GLRX3: variants seen among roughly 807,000 people sequenced by gnomAD.
The protein encoded by GLRX3 is glutaredoxin-3.
Under a neutral mutation model 49.5 loss-of-function variants are expected in GLRX3, and 22 were observed. That is an observed-to-expected ratio of 0.44 (90% CI 0.32 to 0.63). GLRX3 has a LOEUF of 0.63. GLRX3 is among the 30% of genes least tolerant of loss of function. The pLI is 0.05. For synonymous variants in GLRX3, 133 were observed against 140.0 expected (o/e 0.95, Z 0.35); for missense variants, 385 against 396.3 (o/e 0.97, Z 0.24).
At position 130,144,324 on chromosome 10, in the gene GLRX3, A is replaced by T. The variant is rs1590057519; in HGVS notation, c.93-887A>T. ...TTTTTCGTTTACTTTAAGTTCTGGG[A>T]TACATATGCAGAATGTGCAGGTTTC... On this transcript the variant is annotated intron_variant, in intron 1 of 10. Transcript: ENST00000331244. 2.2e-5 allele frequency among the ~76,000 whole-genome samples: 3 copies of T among 134,048 alleles called. No homozygotes were observed. In the East Asian group the frequency reaches 6.7e-4, roughly 30 times the overall value. The allele number at this position is 134,048 out of a possible 152,430, so 87.9% of individuals were successfully genotyped here.
rs550732378 is a variant in GLRX3, at chr10:130,155,711, A to T, written c.202-4284A>T. ...AGGGGAGAGGCCTGGGCTGGGAAGAAGTTGGGAGTTGTAATAGCAGCGTCA... is the reference window on the plus strand; with the variant it reads ...AGGGGAGAGGCCTGGGCTGGGAAGATGTTGGGAGTTGTAATAGCAGCGTCA... On this transcript the variant is annotated intron_variant, in intron 2 of 10. Transcript: ENST00000331244. Among the ~76,000 whole-genome samples, 72 of 152,200 alleles carry T rather than the reference A, an allele frequency of 4.7e-4. No individual in the cohort carries two copies. The East Asian group carries it at 5.2e-3, about 11-fold the overall frequency.
intron 2 of GLRX3, among the ~76,000 whole-genome samples, chr10:130,154,092 G>T (rs1344756687): frequency 6.6e-6 from 1 of 152,226 alleles, no homozygotes; most frequent in Non-Finnish European, 1.5e-5. Flanking sequence ...ATCTCAGACT[G>T]CTGCGCTGGC....
intron 2 of GLRX3, among the ~76,000 whole-genome samples, chr10:130,154,440 A>G (rs1862437030): frequency 2.0e-5 from 3 of 152,224 alleles, no homozygotes; most frequent in South Asian, 4.1e-4. Context: ...GCTGCAGACT[A>G]GAGCTGTTCC....
At position 130,162,850 on chromosome 10, in the gene GLRX3, T is replaced by C. The variant is rs114392618; in HGVS notation, c.478+1853T>C. On this transcript the variant is annotated intron_variant, in intron 4 of 10. Coordinates refer to ENST00000331244, the MANE Select transcript of GLRX3 (RefSeq NM_006541.5). ...AACTTTGGGGACAAGTCAGGTACCC[T>C]CCTTGTGCCTTTAATTCCTTCTAGT... Among the ~76,000 whole-genome samples the C allele has an allele frequency of 9.4e-3, 1,427 of 152,260 alleles. 20 individuals are homozygous for C. The highest frequency in any genetic ancestry group is 0.033 in the African/African-American group (1,361 of 41,540).
chr10:130,166,859 TC>T, intron 5 of GLRX3, 59 bp from the exon 6 acceptor site: 2 of 1,125,056 alleles, frequency 1.8e-6, no homozygotes, highest in Non-Finnish European at 2.7e-6. Flanking sequence ...TATGGTATGA[TC>T]AAGGAGATTT....
intron 2 of GLRX3, among the ~76,000 whole-genome samples, chr10:130,158,129 G>T (rs1017359183): frequency 3.9e-5 from 6 of 152,132 alleles, no homozygotes; most frequent in Admixed American, 2.0e-4. Flanking sequence ...GCCTTCAGCA[G>T]GAATTGTAAG....
At chr10:130,155,351 C>T (rs2134893064) in intron 2 of GLRX3, among the ~76,000 whole-genome samples, 1 of 152,224 alleles carries the variant, frequency 6.6e-6, no homozygotes, top group Admixed American at 6.5e-5. Flanking sequence ...AGTTCCATTC[C>T]TGTCATAAGT....
In GLRX3 at chr10:130,163,628, A is replaced by G. The variant is rs759175058; in HGVS notation, c.478+2631A>G. Among the ~76,000 whole-genome samples the G allele has an allele frequency of 9.6e-4, 146 of 152,178 alleles. 3 individuals are homozygous for G. The highest frequency in any genetic ancestry group is 4.6e-4 in the Admixed American group (7 of 15,282). On this transcript the variant is annotated intron_variant, in intron 4 of 10. Coordinates refer to ENST00000331244, the MANE Select transcript of GLRX3 (RefSeq NM_006541.5). ...TTTCTGTTTCATGTCTTTCTGTCAC[A>G]TATAGTAAATAGATCATTTAAGAAT...
chr10:130,151,639 G>T (rs1183101197), intron 2 of GLRX3, among the ~76,000 whole-genome samples: 1 of 151,830 alleles, frequency 6.6e-6, no homozygotes, highest in Non-Finnish European at 1.5e-5. Flanking sequence ...TTCTGTCCTT[G>T]TGATTGTTTG....
chr10:130,163,589 C>T (rs1400015346), intron 4 of GLRX3, among the ~76,000 whole-genome samples: 1 of 152,154 alleles, frequency 6.6e-6, no homozygotes, highest in East Asian at 1.9e-4. Context: ...GTGGGTTTTT[C>T]TGTTTCCTGA....
At chr10:130,147,856 A>C (rs570642178) in intron 2 of GLRX3, among the ~76,000 whole-genome samples, 2 of 152,180 alleles carry the variant, frequency 1.3e-5, no homozygotes, top group African/African-American at 2.4e-5. Flanking sequence ...AGCCTGATGC[A>C]CATAGCAAAA....
At chr10:130,168,195 T>A (rs1862731329) in intron 6 of GLRX3, among the ~76,000 whole-genome samples, 1 of 152,326 alleles carries the variant, frequency 6.6e-6, no homozygotes, top group South Asian at 2.1e-4. Flanking sequence ...TTTAAAGGGC[T>A]CCGAGTGAGC....
chr10:130,168,381 A>G (rs10829698), intron 6 of GLRX3, among the ~76,000 whole-genome samples: 31,548 of 152,150 alleles, frequency 0.21, 3,365 homozygotes, highest in Middle Eastern at 0.28. Flanking sequence ...TCGGTTGGCA[A>G]TGTAAGTGAT....
Position 130,171,903 on chromosome 10 carries a change from C to G in GLRX3, c.824+267C>G, listed in dbSNP as rs535211101. ...ATCACTGGAGTCTTGGAAGGTGAGG[C>G]TGTAGTGAGCCGTGATTGCACCACT... On this transcript the variant is annotated intron_variant, in intron 8 of 10. Coordinates refer to ENST00000331244, the MANE Select transcript of GLRX3 (RefSeq NM_006541.5). Among the ~76,000 whole-genome samples, 371 of 152,188 alleles carry G rather than the reference C, an allele frequency of 2.4e-3. 1 individual carries two copies. The highest frequency in any genetic ancestry group is 4.6e-3 in the Non-Finnish European group (315 of 68,004).
intron 7 of GLRX3, 90 bp from the exon 8 acceptor site, chr10:130,171,494 G>A (rs139377635): frequency 2.5e-6 from 2 of 790,880 alleles, no homozygotes; most frequent in Non-Finnish European, 4.5e-6. Flanking sequence ...TGCTGGACAA[G>A]TGCTGTGCTG....
At chr10:130,137,138 A>G (rs963921843) in intron 1 of GLRX3, among the ~76,000 whole-genome samples, 1 of 152,232 alleles carries the variant, frequency 6.6e-6, no homozygotes, top group African/African-American at 2.4e-5. Context: ...CAGTCTTCAG[A>G]CTTAACCTGT....
At chr10:130,170,883 C>G (rs1862792895) in intron 7 of GLRX3, among the ~76,000 whole-genome samples, 2 of 152,096 alleles carry the variant, frequency 1.3e-5, no homozygotes, top group South Asian at 4.1e-4. Context: ...CCTGTAATCC[C>G]AGCACTTTGG....
chr10:130,169,325 G>A, intron 6 of GLRX3, 108 bp from the exon 7 acceptor site: 1 of 735,448 alleles, frequency 1.4e-6, no homozygotes, highest in Admixed American at 2.0e-5. Context: ...TCAAAGCTGT[G>A]AACTGTCATC....
At chr10:130,140,750 A>C (rs1862157754) in intron 1 of GLRX3, among the ~76,000 whole-genome samples, 1 of 150,420 alleles carries the variant, frequency 6.6e-6, no homozygotes, top group Admixed American at 6.6e-5. Context: ...AAATGTAGTT[A>C]TATTAGTATT....
Sources: gnomAD v4.1 joint callset for allele counts (sites outside exome capture counted in the v4.1 genomes callset) on GRCh38, gnomAD v4.1.1 for gene constraint, MANE v1.5 for transcripts, NCBI Gene and HGNC (gene_info 2026-07-23, HGNC 2026-07-21) for gene names.